Variants in ZNF180 observed in about 807,000 individuals in gnomAD.
ZNF180 encodes the protein zinc finger protein 180.
In ZNF180, 11 loss-of-function variants were observed where a neutral mutation model predicts 11.8. The ratio of observed to expected loss-of-function variants is 0.93; its 90% confidence interval spans 0.59 to 1.55. ZNF180 has a LOEUF of 1.55. ZNF180 is among the 40% of genes most tolerant of loss of function. ZNF180 has a pLI of 0.00. For synonymous variants in ZNF180, 287 were observed against 257.7 expected, an observed-to-expected ratio of 1.11 and a Z score of -1.09; for missense variants, 773 against 781.7, an observed-to-expected ratio of 0.99 and a Z score of 0.13.
rs186544745 is a variant in ZNF180, at chr19:44,481,441, T to C, written c.127-2032A>G. ...CTTTAAGGTATTGTCTTTCAATCTG[T>C]AATGCATGCTTCTTTTTAATAAACA... On this transcript the variant is annotated intron_variant, in intron 3 of 4. Coordinates refer to ENST00000592529, the MANE Select transcript of ZNF180 (RefSeq NM_001278509.3). Among the ~76,000 whole-genome samples the C allele has an allele frequency of 2.5e-3, 381 of 152,334 alleles. 2 individuals are homozygous for C. Among genetic ancestry groups the C allele is most frequent in the African/African-American group, 7.3e-3 (303 of 41,578 alleles).
At chr19:44,497,799 A>AACCAGC (rs1970631045) in intron 1 of ZNF180, among the ~76,000 whole-genome samples, 2 of 152,032 alleles carry the variant, frequency 1.3e-5, no homozygotes. Flanking sequence ...TACAGCCCCA[A>AACCAGC]ACCAGCACTT....
In ZNF180 at chr19:44,476,288, A is replaced by G; in HGVS notation, c.*114T>C. 9.7e-7 allele frequency: 1 copy of G among 1,034,342 alleles called. No individual in the cohort carries two copies. Among genetic ancestry groups the G allele is most frequent in the Non-Finnish European group, 1.3e-6 (1 of 745,702 alleles). The allele number at this position is 1,034,342 out of a possible 1,614,324, so 64.1% of individuals were successfully genotyped here. On this transcript the variant is annotated 3_prime_UTR_variant, in exon 5 of 5. Transcript: ENST00000592529. ...GACACACAATTAACAGAGGGCTGGA[A>G]GTTTTCCCACATATATTGTTTTTAT... is the stretch of plus-strand genomic sequence containing the variant.
rs1970254750 is a variant in ZNF180 at position 44,487,313 on chromosome 19, T to C, written c.52-2878A>G. 1.3e-5 allele frequency among the ~76,000 whole-genome samples: 2 copies of C among 152,262 alleles called. 1 individual carries two copies. The highest frequency in any genetic ancestry group is 4.1e-4 in the South Asian group (2 of 4,836). ...CACTGTATATTTACTGGGTAGGTTGTGAGGTTCACAATAAGTATCAAAGAG... is the reference window on the plus strand; with the variant it reads ...CACTGTATATTTACTGGGTAGGTTGCGAGGTTCACAATAAGTATCAAAGAG... On this transcript the variant is annotated intron_variant, in intron 2 of 4. Transcript: ENST00000592529.
chr19:44,490,548 T>A (rs1970426415), intron 2 of ZNF180, among the ~76,000 whole-genome samples: 1 of 152,120 alleles, frequency 6.6e-6, no homozygotes, highest in Admixed American at 6.5e-5. Flanking sequence ...AAAAAATGCC[T>A]GGGAAATGAG....
At chr19:44,484,742 C>T (rs1010538352) in intron 2 of ZNF180, 18 of 397,164 alleles carry the variant, frequency 4.5e-5, no homozygotes, top group African/African-American at 6.0e-5. Flanking sequence ...AGCACTAAGA[C>T]GCTAAGAACT....
At chr19:44,490,175 G>GA (rs1555736711) in intron 2 of ZNF180, among the ~76,000 whole-genome samples, 62 of 139,098 alleles carry the variant, frequency 4.5e-4, no homozygotes, top group East Asian at 1.5e-3. Flanking sequence ...AGGGAGGGAG[G>GA]GAGGGAGGGA....
At chr19:44,493,748 G>GCTCTCTCTTGCT (rs1555737666) in intron 2 of ZNF180, among the ~76,000 whole-genome samples, 2,212 of 150,596 alleles carry the variant, frequency 0.015, 14 homozygotes, top group African/African-American at 0.023. Flanking sequence ...AAGTGCTCTT[G>GCTCTCTCTTGCT]CTCTCTCTCT....
At chr19:44,494,026 A>T (rs1489878625) in intron 2 of ZNF180, among the ~76,000 whole-genome samples, 1 of 152,216 alleles carries the variant, frequency 6.6e-6, no homozygotes, top group Non-Finnish European at 1.5e-5. Flanking sequence ...CGAAATAAAC[A>T]TTGGCTATTT....
In ZNF180 at chr19:44,477,138, T is replaced by G. The variant is rs893382518; in HGVS notation, c.1262A>C (p.Gln421Pro). The change falls in exon 5 of 5, where the codon CAG (glutamine) becomes CCG (proline). Residue 421 changes from glutamine (Q) to proline (P), a missense_variant. Transcript: ENST00000592529. ...TTGATGTGCAATAAGTTTATAGCTCTGCCTGAATGACTTTCCACACTGATT... is the reference window on the plus strand; with the variant it reads ...TTGATGTGCAATAAGTTTATAGCTCGGCCTGAATGACTTTCCACACTGATT... ...ECNQCGKSFRQSYKLIAHQRT... is the reference protein window; with the variant it reads ...ECNQCGKSFRPSYKLIAHQRT... 3.1e-6 allele frequency: 5 copies of G among 1,613,212 alleles called. No individual in the cohort carries two copies. The highest frequency in any genetic ancestry group is 4.2e-6 in the Non-Finnish European group (5 of 1,179,230).
rs1315850994 is a variant in ZNF180, at chr19:44,495,560, C to T, written c.51+1724G>A. The stretch of plus-strand genomic sequence containing the variant: ...GTGCACATCTCACCCCACTCTGGCT[C>T]CAACACCCCATCTACCATGGACACC... On this transcript the variant is annotated intron_variant, in intron 2 of 4. Coordinates refer to ENST00000592529, the MANE Select transcript of ZNF180 (RefSeq NM_001278509.3). The surrounding 1 kb of genome is among the most constrained non-coding windows in gnomAD (Gnocchi z 4.5). Among the ~76,000 whole-genome samples the T allele has an allele frequency of 1.3e-5, 2 of 152,132 alleles. No individual in the cohort carries two copies. Among genetic ancestry groups the T allele is most frequent in the African/African-American group, 4.8e-5 (2 of 41,414 alleles).
Position 44,476,625 on chromosome 19 carries a change from C to T in ZNF180, c.1775G>A (p.Cys592Tyr). 6.2e-7 allele frequency: 1 copy of T among 1,613,982 alleles called. No individual in the cohort carries two copies. Among genetic ancestry groups the T allele is most frequent in the Non-Finnish European group, 8.5e-7 (1 of 1,179,956 alleles). The change falls in exon 5 of 5, where the codon TGC becomes TAC. Residue 592 changes from cysteine (C) to tyrosine (Y), a missense_variant. Coordinates refer to ENST00000592529, the MANE Select transcript of ZNF180 (RefSeq NM_001278509.3). Reference protein sequence around the residue: ...QCGKSFRQSSCLTQHQRTHTG... With the variant: ...QCGKSFRQSSYLTQHQRTHTG... The stretch of plus-strand genomic sequence containing the variant: ...ATGAGTTCTCTGATGTTGAGTAAGG[C>T]ATGAACTCTGTCTGAAGGACTTCCC...
intron 2 of ZNF180, among the ~76,000 whole-genome samples, chr19:44,496,934 C>G (rs1180838737): frequency 6.6e-6 from 1 of 152,100 alleles, no homozygotes; most frequent in Non-Finnish European, 1.5e-5. Flanking sequence ...ACAGTGTATT[C>G]TATTTCATGG....
At chr19:44,489,114 C>T (rs1180282032) in intron 2 of ZNF180, among the ~76,000 whole-genome samples, 1 of 128,370 alleles carries the variant, frequency 7.8e-6, no homozygotes, top group African/African-American at 2.8e-5. Context: ...GGGGGGCCAG[C>T]CTCCCGCCCG....
chr19:44,496,818 A>G (rs1341832028), intron 2 of ZNF180: 1 of 152,446 alleles, frequency 6.6e-6, no homozygotes, highest in African/African-American at 2.4e-5. Flanking sequence ...CCCAAAAACT[A>G]TATCTCTTTT....
At chr19:44,484,143 C>T (rs1015345018) in intron 3 of ZNF180, among the ~76,000 whole-genome samples, 6 of 151,896 alleles carry the variant, frequency 4.0e-5, no homozygotes, top group South Asian at 2.1e-4. Context: ...TACAGGCACC[C>T]GCCACCACAC....
intron 2 of ZNF180, 83 bp downstream of exon 2, chr19:44,497,201 A>G: frequency 2.3e-6 from 3 of 1,292,368 alleles, no homozygotes; most frequent in Non-Finnish European, 2.1e-6. Flanking sequence ...AAAAGGCTGC[A>G]AAGAGAGTCA....
chr19:44,496,672 C>CAAAA (rs55678572), intron 2 of ZNF180: 44 of 71,580 alleles, frequency 6.1e-4, no homozygotes, highest in East Asian at 2.2e-3. Context: ...GACTCTGTCT[C>CAAAA]AAAAAAAAAA....
chr19:44,498,940 A>G lies in ZNF180; in HGVS notation c.-44+1335T>C, dbSNP rs868194888. On this transcript the variant is annotated intron_variant, in intron 1 of 4. Transcript: ENST00000592529. Reference sequence around the variant, plus strand: ...GCCACAGAGCAGGTTCGTGCTCACAATCTGCATCCAGGACCTGGCTCCTCT... The same window carrying G: ...GCCACAGAGCAGGTTCGTGCTCACAGTCTGCATCCAGGACCTGGCTCCTCT... Among the ~76,000 whole-genome samples the G allele has an allele frequency of 2.6e-4, 40 of 151,902 alleles. 1 individual carries two copies. The highest frequency in any genetic ancestry group is 8.9e-4 in the African/African-American group (37 of 41,356).
intron 2 of ZNF180, 55 bp downstream of exon 2, chr19:44,497,229 C>A: frequency 2.0e-6 from 3 of 1,482,722 alleles, no homozygotes; most frequent in Non-Finnish European, 8.9e-7. Context: ...GCCACAGCCT[C>A]CCAAGCTGAG....
Sources: gnomAD v4.1 joint callset for allele counts (sites outside exome capture counted in the v4.1 genomes callset) on GRCh38, gnomAD v4.1.1 for gene constraint, Gnocchi (gnomAD v3.1) non-coding constraint, MANE v1.5 for transcripts, NCBI Gene and HGNC (gene_info 2026-07-23, HGNC 2026-07-21) for gene names.